PDE8A: variants seen among roughly 807,000 people sequenced by gnomAD.
PDE8A encodes high affinity cAMP-specific and IBMX-insensitive 3',5'-cyclic phosphodiesterase 8A.
Under a neutral mutation model 105.0 loss-of-function variants are expected in PDE8A, and 59 were observed. The observed-to-expected ratio is 0.56, with a 90% CI of 0.46 to 0.70. The LOEUF (loss-of-function observed/expected upper bound fraction) is 0.70, where lower values mean the gene tolerates loss of function less well. Among genes scored for constraint, PDE8A ranks in the 30% least tolerant of loss-of-function variants. The pLI is 0.00. For synonymous variants in PDE8A, 355 were observed against 371.9 expected, an observed-to-expected ratio of 0.95 and a Z score of 0.52; for missense variants, 1,014 against 1,045.9, an observed-to-expected ratio of 0.97 and a Z score of 0.42.
intron 8 of PDE8A, among the ~76,000 whole-genome samples, chr15:85,095,580 G>A (rs571496609): frequency 5.3e-5 from 8 of 152,202 alleles, no homozygotes; most frequent in African/African-American, 1.7e-4. Context: ...TCCTGACCTC[G>A]TGATCTGCCT....
At chr15:85,104,496 T>C (rs932177442) in intron 11 of PDE8A, among the ~76,000 whole-genome samples, 1 of 151,846 alleles carries the variant, frequency 6.6e-6, no homozygotes, top group Non-Finnish European at 1.5e-5. Context: ...AGAAAAGAGA[T>C]TGAAGACAAA....
chr15:85,098,711 G>A (rs958833040), intron 9 of PDE8A, among the ~76,000 whole-genome samples: 3 of 152,166 alleles, frequency 2.0e-5, no homozygotes, highest in African/African-American at 7.2e-5. Flanking sequence ...TGTAATCCCA[G>A]CACTTTGGGA....
chr15:84,988,735 C>G (rs1037086348), intron 1 of PDE8A, among the ~76,000 whole-genome samples: 3 of 152,238 alleles, frequency 2.0e-5, no homozygotes, highest in African/African-American at 4.8e-5. Flanking sequence ...CTGGCTTGCA[C>G]TCTTTTCTCT....
At position 85,083,558 on chromosome 15, in the gene PDE8A, G is replaced by A. The variant is rs757587327; in HGVS notation, c.549G>A (p.Arg183=). 6.3e-7 allele frequency: 1 copy of A among 1,597,162 alleles called. No homozygotes were observed. Among genetic ancestry groups the A allele is most frequent in the East Asian group, 2.2e-5 (1 of 44,750 alleles). ...AAAATTCCTCTTTCTGTTTGTAGAGGTATGTAGAAAACCCCAACATCATGG... is the reference window on the plus strand; with the variant it reads ...AAAATTCCTCTTTCTGTTTGTAGAGATATGTAGAAAACCCCAACATCATGG... ...MPFISAGFTR[R]YVENPNIMAC... is the part of the protein sequence containing the mutation. Residue 183 remains arginine, a splice_region_variant and synonymous_variant, in exon 6 of 22, where the codon AGG becomes AGA. Coordinates refer to ENST00000394553, the MANE Select transcript of PDE8A (RefSeq NM_002605.3).
At chr15:85,099,645 A>G (rs903397854) in intron 9 of PDE8A, 6 of 212,458 alleles carry the variant, frequency 2.8e-5, no homozygotes, top group Admixed American at 5.4e-5. Flanking sequence ...GACCGTGAGC[A>G]GATTGTTTGT....
At chr15:85,038,746 C>T (rs940840430) in intron 1 of PDE8A, among the ~76,000 whole-genome samples, 4 of 152,168 alleles carry the variant, frequency 2.6e-5, no homozygotes, top group Admixed American at 6.5e-5. Context: ...AAATGCTCAA[C>T]ACCTCTAATC....
In PDE8A at chr15:85,057,602, G is replaced by C. The variant is rs56077528; in HGVS notation, c.187-6768G>C. Reference sequence around the variant, plus strand: ...TCAGTTGGAAATGCAGAAATCACCCGTCTTCCATGTCGCGCACGCTGGGAG... The same window carrying C: ...TCAGTTGGAAATGCAGAAATCACCCCTCTTCCATGTCGCGCACGCTGGGAG... On this transcript the variant is annotated intron_variant, in intron 1 of 21. Transcript: ENST00000394553. Among the ~76,000 whole-genome samples, 1,366 of 152,168 alleles carry C rather than the reference G, an allele frequency of 9.0e-3. 25 individuals carry two copies. Among genetic ancestry groups the C allele is most frequent in the African/African-American group, 0.031 (1,293 of 41,450 alleles).
intron 1 of PDE8A, among the ~76,000 whole-genome samples, chr15:85,042,240 A>G (rs1468015431): frequency 6.6e-6 from 1 of 152,062 alleles, no homozygotes; most frequent in Non-Finnish European, 1.5e-5. Flanking sequence ...GCAGTGGTGC[A>G]ATAATAGCTC....
At chr15:85,025,542 G>T (rs1212641300) in intron 1 of PDE8A, among the ~76,000 whole-genome samples, 1 of 152,150 alleles carries the variant, frequency 6.6e-6, no homozygotes, top group Admixed American at 6.5e-5. Context: ...CTGGGCCCAG[G>T]CCTGCTGGAT....
intron 20 of PDE8A, among the ~76,000 whole-genome samples, chr15:85,132,309 C>T (rs982903081): frequency 2.6e-5 from 4 of 152,140 alleles, no homozygotes; most frequent in Non-Finnish European, 4.4e-5. Context: ...TTCTCCTCTT[C>T]TTTTTGCTGA....
intron 1 of PDE8A, among the ~76,000 whole-genome samples, chr15:85,011,944 A>G (rs1251483305): frequency 2.0e-5 from 3 of 152,242 alleles, no homozygotes; most frequent in African/African-American, 7.2e-5. Context: ...AACACATGAA[A>G]AAATGCTCAC....
chr15:85,078,105 T>A (rs2081405334), intron 5 of PDE8A, among the ~76,000 whole-genome samples: 6 of 134,348 alleles, frequency 4.5e-5, no homozygotes, highest in East Asian at 2.2e-4. Context: ...ATATCCAAAG[T>A]AGAGTAAATT....
At chr15:84,983,801 A>C (rs896379616) in intron 1 of PDE8A, among the ~76,000 whole-genome samples, 2 of 152,246 alleles carry the variant, frequency 1.3e-5, no homozygotes, top group Non-Finnish European at 2.9e-5. Flanking sequence ...GCCCTTTTAT[A>C]GTGAGGGGCC....
At chr15:85,047,629 C>T (rs1260390859) in intron 1 of PDE8A, among the ~76,000 whole-genome samples, 1 of 152,126 alleles carries the variant, frequency 6.6e-6, no homozygotes, top group Non-Finnish European at 1.5e-5. Context: ...TAAAAGTGAA[C>T]CCATAGCTGC....
Position 84,982,282 on chromosome 15 carries a change from C to A in PDE8A, c.120C>A (p.Ala40=). The part of the protein sequence containing the change: ...GPRLPQGQKT[A]ALPRTRGAGL... The stretch of plus-strand genomic sequence containing the variant: ...GCCTCCCGCAGGGCCAGAAGACGGC[C>A]GCCTTGCCCCGGACCCGCGGCGCCG... The change falls in exon 1 of 22, where the codon GCC becomes GCA. Residue 40 remains alanine, a synonymous_variant. Coordinates refer to ENST00000394553, the MANE Select transcript of PDE8A (RefSeq NM_002605.3). 1 of 1,407,256 alleles carries A rather than the reference C, an allele frequency of 7.1e-7. No homozygotes were observed. The highest frequency in any genetic ancestry group is 9.2e-7 in the Non-Finnish European group (1 of 1,090,952). 87.2% of individuals were successfully genotyped at this position (1,407,256 alleles called of 1,614,324 possible).
At chr15:84,988,544 T>G (rs1251844709) in intron 1 of PDE8A, among the ~76,000 whole-genome samples, 1 of 152,074 alleles carries the variant, frequency 6.6e-6, no homozygotes, top group East Asian at 1.9e-4. Flanking sequence ...CCCTTGGGAG[T>G]TTTTTTCCTT....
chr15:85,062,562 T>A (rs903217071), intron 1 of PDE8A: 1 of 152,236 alleles, frequency 6.6e-6, no homozygotes, highest in African/African-American at 2.4e-5. Flanking sequence ...AATGCACCCC[T>A]TCTTTGTCTG....
intron 1 of PDE8A, among the ~76,000 whole-genome samples, chr15:84,999,068 T>C (rs2080024066): frequency 6.6e-6 from 1 of 150,494 alleles, no homozygotes; most frequent in Admixed American, 6.6e-5. Context: ...TTGTCAATTC[T>C]CCCATCTACA....
At chr15:85,017,132 G>T (rs997566126) in intron 1 of PDE8A, among the ~76,000 whole-genome samples, 26 of 151,208 alleles carry the variant, frequency 1.7e-4, no homozygotes, top group Non-Finnish European at 2.9e-4. Context: ...GCGGTGGCGG[G>T]CGCCTGTAGT....
Sources: allele counts gnomAD v4.1 joint callset (sites outside exome capture counted in the v4.1 genomes callset), GRCh38; gene constraint gnomAD v4.1.1; transcripts MANE v1.5; gene names NCBI Gene and HGNC (gene_info 2026-07-23, HGNC 2026-07-21).